SERPINB8: variants seen among roughly 807,000 people sequenced by gnomAD.
SERPINB8 encodes the protein serpin B8.
A neutral mutation model predicts 35.3 loss-of-function variants in SERPINB8; 25 were observed. That is an observed-to-expected ratio of 0.71 (90% confidence interval 0.52 to 0.99). SERPINB8 has a LOEUF of 0.99. Ranked by LOEUF, SERPINB8 falls within the 50% of genes least tolerant of loss-of-function variation. SERPINB8 has a pLI of 0.00. For missense variants in SERPINB8, 484 were observed against 446.5 expected (o/e 1.08, Z -0.76); for synonymous variants, 186 against 160.8 (o/e 1.16, Z -1.19).
chr18:63,982,132 C>G (rs1354602691), intron 4 of SERPINB8, among the ~76,000 whole-genome samples: 1 of 152,122 alleles, frequency 6.6e-6, no homozygotes, highest in Non-Finnish European at 1.5e-5. Context: ...TCTGAGAGGC[C>G]CTTCCATGCT....
chr18:64,001,875 G>T (rs943223413), intron 1 of SERPINB8, among the ~76,000 whole-genome samples: 1 of 152,138 alleles, frequency 6.6e-6, no homozygotes, highest in African/African-American at 2.4e-5. Flanking sequence ...TGGCTACTTT[G>T]AAGGGCATCT....
intron 4 of SERPINB8, among the ~76,000 whole-genome samples, chr18:63,983,098 G>T (rs911501436): frequency 6.6e-6 from 1 of 152,170 alleles, no homozygotes; most frequent in Non-Finnish European, 1.5e-5. Context: ...GACAATCTTG[G>T]TTGTCAAAAT....
At chr18:63,970,729 C>T (rs1162602320) in intron 1 of SERPINB8, among the ~76,000 whole-genome samples, 1 of 152,162 alleles carries the variant, frequency 6.6e-6, no homozygotes, top group South Asian at 2.1e-4. Flanking sequence ...CCCTGGCGCC[C>T]AAGCTTGCCC....
downstream of SERPINB8, among the ~76,000 whole-genome samples, chr18:64,009,602 G>A (rs201610449): frequency 1.3e-5 from 2 of 152,206 alleles, no homozygotes; most frequent in African/African-American, 4.8e-5. Context: ...GGAAATGATC[G>A]CCCAGTGTAG....
chr18:64,012,289 C>G (rs2050929308), intron 7 of SERPINB8, among the ~76,000 whole-genome samples: 1 of 151,946 alleles, frequency 6.6e-6, no homozygotes, highest in South Asian at 2.1e-4. Context: ...AATAATAATG[C>G]ATTTTAGAGA....
At chr18:63,977,962 C>G (rs370981721) in intron 1 of SERPINB8, among the ~76,000 whole-genome samples, 2 of 152,146 alleles carry the variant, frequency 1.3e-5, no homozygotes, top group African/African-American at 2.4e-5. Flanking sequence ...TCATCAGTGG[C>G]CCCTATCCCT....
chr18:64,014,359 C>A (rs983487149), intron 7 of SERPINB8, among the ~76,000 whole-genome samples: 1 of 152,180 alleles, frequency 6.6e-6, no homozygotes, highest in Admixed American at 6.5e-5. Flanking sequence ...GAGATGGGGA[C>A]CAAGGGTTCC....
In SERPINB8 at chr18:63,976,413, GC is replaced by G. The variant is rs529628009; in HGVS notation, c.-10-1880del. Among the ~76,000 whole-genome samples the G allele has an allele frequency of 3.8e-3, 578 of 152,248 alleles. 3 individuals are homozygous for G. The highest frequency in any genetic ancestry group is 0.014 in the Middle Eastern group (4 of 294). ...AGCTTTTTAGCACTTTAAGCAAGGT[GC>G]CCCCCTAGATTAGGCTCCTACCTTC... On this transcript the variant is annotated intron_variant, in intron 1 of 6. Coordinates refer to ENST00000397985, the MANE Select transcript of SERPINB8 (RefSeq NM_002640.4).
intron 1 of SERPINB8, among the ~76,000 whole-genome samples, chr18:63,995,490 C>A (rs1311470985): frequency 6.6e-6 from 1 of 152,192 alleles, no homozygotes; most frequent in Non-Finnish European, 1.5e-5. Context: ...TGGGAAGGGA[C>A]CTTTGGGCCC....
chr18:63,986,746 T>A, intron 6 of SERPINB8, 128 bp from the exon 7 acceptor site: 1 of 1,401,398 alleles, frequency 7.1e-7, no homozygotes, highest in Non-Finnish European at 9.5e-7. Flanking sequence ...AAAGAAAATA[T>A]CTGTAGATTT....
rs1266356823 is a variant in SERPINB8 at position 63,986,201 on chromosome 18, G to A, written c.721-673G>A. 2.6e-6 allele frequency: 4 copies of A among 1,534,988 alleles called. No homozygotes were observed. In the Admixed American group the frequency reaches 6.8e-5, roughly 26 times the overall value. On this transcript the variant is annotated intron_variant, in intron 6 of 6. Coordinates refer to ENST00000397985, the MANE Select transcript of SERPINB8 (RefSeq NM_002640.4). ...TGGGCTCCAGTTGTTAAAGGGAAGG[G>A]GAGATGCTAGTGGAAGGCCTTTCTC...
At chr18:63,985,989 G>C (rs1447046969) in intron 6 of SERPINB8, among the ~76,000 whole-genome samples, 4 of 152,206 alleles carry the variant, frequency 2.6e-5, no homozygotes, top group African/African-American at 9.6e-5. Context: ...ATAGGGGTCA[G>C]CTCTGGCACA....
At chr18:64,011,921 G>A (rs2144850307) in intron 7 of SERPINB8, among the ~76,000 whole-genome samples, 1 of 152,178 alleles carries the variant, frequency 6.6e-6, no homozygotes, top group Non-Finnish European at 1.5e-5. Flanking sequence ...TGCAGAAATG[G>A]TTTCAGAAGC....
intron 1 of SERPINB8, among the ~76,000 whole-genome samples, chr18:63,996,259 T>A (rs1295269722): frequency 1.3e-5 from 2 of 152,220 alleles, no homozygotes; most frequent in African/African-American, 2.4e-5. Flanking sequence ...TGAGAAACTG[T>A]TCCTCCATAC....
At chr18:64,008,274 G>T (rs28715193), downstream of SERPINB8, among the ~76,000 whole-genome samples, 29,576 of 151,956 alleles carry the variant, frequency 0.19, 3,192 homozygotes, top group Middle Eastern at 0.36. Flanking sequence ...ACAGAGTCTC[G>T]CTCTGTCACT....
intron 6 of SERPINB8, chr18:63,986,367 CT>C: frequency 6.4e-7 from 1 of 1,570,396 alleles, no homozygotes. Flanking sequence ...CTCATGCTCC[CT>C]TCTCATGCCT....
downstream of SERPINB8, among the ~76,000 whole-genome samples, chr18:64,006,183 T>C (rs1210231460): frequency 6.6e-6 from 1 of 152,162 alleles, no homozygotes; most frequent in Non-Finnish European, 1.5e-5. Context: ...AGTGCTGGGA[T>C]GAGAGGGAGA....
In SERPINB8 at chr18:63,979,889, T is replaced by A. The variant is rs2050643917; in HGVS notation, c.257T>A (p.Leu86His). 4.3e-6 allele frequency: 7 copies of A among 1,614,110 alleles called. No homozygotes were observed. The highest frequency in any genetic ancestry group is 5.9e-6 in the Non-Finnish European group (7 of 1,179,974). Residue 86 changes from leucine to histidine, a missense_variant, in exon 3 of 7, where the codon CTT becomes CAT. By Grantham distance (99) the Leu-to-His change is moderately conservative. Coordinates refer to ENST00000397985, the MANE Select transcript of SERPINB8 (RefSeq NM_002640.4). ...EVNRTGTQYL[L>H]RTANRLFGEK... The stretch of plus-strand genomic sequence containing the variant: ...AACAGAACTGGCACTCAGTACTTGC[T>A]TAGAACTGCCAACAGACTCTTTGGA...
At chr18:63,993,772 G>T (rs1015612180), downstream of SERPINB8, among the ~76,000 whole-genome samples, 2 of 152,194 alleles carry the variant, frequency 1.3e-5, no homozygotes, top group Non-Finnish European at 2.9e-5. Flanking sequence ...GGGGGAAGCT[G>T]CCCTGCTCAC....
Sources: allele counts gnomAD v4.1 joint callset (sites outside exome capture counted in the v4.1 genomes callset), GRCh38; gene constraint gnomAD v4.1.1; transcripts MANE v1.5; gene names NCBI Gene and HGNC (gene_info 2026-07-23, HGNC 2026-07-21).